The following XPOT variants were observed in gnomAD, a reference collection of about 807,000 sequenced individuals.
XPOT encodes the protein exportin-T.
XPOT carries 34 observed loss-of-function variants against 128.2 expected under a neutral mutation model. That is an observed-to-expected ratio of 0.27 (90% CI 0.20 to 0.35). The LOEUF is 0.35. Among genes scored for constraint, XPOT ranks in the 10% least tolerant of loss-of-function variants. The probability of loss-of-function intolerance (pLI) is 1.00; values close to 1 mark genes in which losing one functional copy is unlikely to be tolerated. For missense variants in XPOT, 838 were observed against 1,125.3 expected (o/e 0.74, Z 3.65); for synonymous variants, 348 against 394.3 (o/e 0.88, Z 1.39).
intron 5 of XPOT, 28 bp downstream of exon 5, chr12:64,418,143 C>T (rs1489300208): frequency 6.3e-7 from 1 of 1,576,402 alleles, no homozygotes; most frequent in Non-Finnish European, 8.7e-7. Context: ...TTCAGTACCT[C>T]AAATTATTAG....
chr12:64,420,021 C>T, intron 6 of XPOT, 49 bp from the exon 7 acceptor site: 1 of 1,495,486 alleles, frequency 6.7e-7, no homozygotes, highest in Non-Finnish European at 8.9e-7. Context: ...AGATATCAAA[C>T]ATGATTTTGT....
At chr12:64,406,545 T>C (rs1321549439) in intron 1 of XPOT, among the ~76,000 whole-genome samples, 1 of 152,046 alleles carries the variant, frequency 6.6e-6, no homozygotes, top group African/African-American at 2.4e-5. Context: ...ATTTTTGTAT[T>C]TTTAGTAGAG....
chr12:64,432,544 A>G (rs2040248775), intron 18 of XPOT, among the ~76,000 whole-genome samples: 1 of 152,124 alleles, frequency 6.6e-6, no homozygotes, highest in Admixed American at 6.6e-5. Context: ...GGCCACTTAC[A>G]TAGTACTTTC....
chr12:64,416,845 C>A, intron 4 of XPOT, 91 bp downstream of exon 4: 1 of 1,139,104 alleles, frequency 8.8e-7, no homozygotes, highest in Non-Finnish European at 1.3e-6. Context: ...AACCATAATA[C>A]AGGTTGTAAA....
At chr12:64,426,022 A>G (rs947851893) in intron 15 of XPOT, 113 bp downstream of exon 15, 1 of 973,404 alleles carries the variant, frequency 1.0e-6, no homozygotes, top group Non-Finnish European at 1.6e-6. Context: ...GGTGGATTAG[A>G]TAAAGAAAAT....
At position 64,450,063 on chromosome 12, in the gene XPOT, T is replaced by C. The variant is rs1376866365; in HGVS notation, c.*1932T>C. On this transcript the variant is annotated 3_prime_UTR_variant, in exon 25 of 25. Transcript: ENST00000332707. Reference sequence around the variant, plus strand: ...AATGAGTTAAACTTGAAAAGACTTATTACAGTAGCTGGCACATAAAGACTT... The same window carrying C: ...AATGAGTTAAACTTGAAAAGACTTACTACAGTAGCTGGCACATAAAGACTT... The C allele has an allele frequency of 3.3e-5, 5 of 152,242 alleles. No homozygotes were observed. The highest frequency in any genetic ancestry group is 7.2e-5 in the African/African-American group (3 of 41,468). The allele number at this position is 152,242 out of a possible 1,614,324, so 9.4% of individuals were successfully genotyped here. A position where few individuals can be genotyped will look rare whatever the true frequency, so the allele number is the denominator to read the frequency against.
intron 3 of XPOT, 48 bp from the exon 4 acceptor site, chr12:64,416,650 T>C: frequency 6.7e-7 from 1 of 1,500,670 alleles, no homozygotes; most frequent in Middle Eastern, 1.7e-4. Context: ...TGATTTGTTT[T>C]CCTCAGTTCA....
At chr12:64,404,971 G>A (rs1379679932) in intron 1 of XPOT, 167 bp downstream of exon 1, 1 of 152,346 alleles carries the variant, frequency 6.6e-6, no homozygotes, top group East Asian at 1.9e-4. Flanking sequence ...GACCGGGTGG[G>A]GGTGGGTACG....
intron 2 of XPOT, among the ~76,000 whole-genome samples, chr12:64,410,380 A>T (rs2040026286): frequency 6.6e-6 from 1 of 152,230 alleles, no homozygotes. Flanking sequence ...AATGCAAAGG[A>T]TTCGTTTAAG....
At chr12:64,406,917 C>T (rs1341722483) in intron 1 of XPOT, among the ~76,000 whole-genome samples, 1 of 152,078 alleles carries the variant, frequency 6.6e-6, no homozygotes, top group African/African-American at 2.4e-5. Context: ...TCCACATGTT[C>T]CTACCTCTGA....
chr12:64,426,989 A>G (rs1011286490), intron 15 of XPOT, among the ~76,000 whole-genome samples: 4 of 152,146 alleles, frequency 2.6e-5, no homozygotes, highest in African/African-American at 7.2e-5. Flanking sequence ...GTCTCAAAAA[A>G]ATAAAATGAA....
intron 12 of XPOT, 54 bp downstream of exon 12, chr12:64,424,777 T>C: frequency 6.3e-7 from 1 of 1,597,138 alleles, no homozygotes; most frequent in Non-Finnish European, 8.5e-7. Flanking sequence ...TGCTCTTTGA[T>C]ATGGGTCAAA....
chr12:64,450,349 A>G lies in XPOT; in HGVS notation c.*2218A>G, dbSNP rs12313449. On this transcript the variant is annotated 3_prime_UTR_variant, in exon 25 of 25. Coordinates refer to ENST00000332707, the MANE Select transcript of XPOT (RefSeq NM_007235.6). ...TTTTTGGTAGAGACAGGGTCTCACT[A>G]TGTTACCCAGTCTGGTCTCAAACTC... is the stretch of plus-strand genomic sequence containing the variant. 0.31 allele frequency: 46,944 copies of G among 151,698 alleles called. 7,683 individuals carry two copies. The highest frequency in any genetic ancestry group is 0.56 in the East Asian group (2,887 of 5,124). The allele number at this position is 151,698 out of a possible 1,614,324, so 9.4% of individuals were successfully genotyped here. A position where few individuals can be genotyped will look rare whatever the true frequency, so the allele number is the denominator to read the frequency against.
chr12:64,433,866 A>G (rs1332953398), intron 19 of XPOT, among the ~76,000 whole-genome samples: 1 of 152,194 alleles, frequency 6.6e-6, no homozygotes, highest in African/African-American at 2.4e-5. Context: ...TACTTACCAG[A>G]ATTGACCTGA....
intron 22 of XPOT, among the ~76,000 whole-genome samples, chr12:64,435,917 T>C (rs1475912534): frequency 6.6e-6 from 1 of 152,176 alleles, no homozygotes. Flanking sequence ...TTCATGATCT[T>C]GTAGGCTTCT....
chr12:64,425,119 T>A lies in XPOT; in HGVS notation c.1389T>A (p.Ser463=). The A allele has an allele frequency of 6.2e-7, 1 of 1,614,012 alleles. No homozygotes were observed. Residue 463 remains serine (S), a synonymous_variant, in exon 13 of 25, where the codon TCT becomes TCA. Transcript: ENST00000332707. ...TGTTGGCAGAAGCTCTTCCAGTATC[T>A]CATGGTGCTCACTTCTCAGGTGATG... ...LYMLAEALPV[S]HGAHFSGDVS...
At chr12:64,408,664 ATTT>A (rs11440677) in intron 1 of XPOT, among the ~76,000 whole-genome samples, 2 of 151,124 alleles carry the variant, frequency 1.3e-5, no homozygotes, top group Non-Finnish European at 2.9e-5. Context: ...TCATTTGTGG[ATTT>A]TTTTTTGTGT....
chr12:64,418,130 T>G lies in XPOT; in HGVS notation c.270+15T>G. The G allele has an allele frequency of 6.2e-7, 1 of 1,604,334 alleles. No individual in the cohort carries two copies. Among genetic ancestry groups the G allele is most frequent in the Non-Finnish European group, 8.5e-7 (1 of 1,173,220 alleles). ...TGCAAGCTCAGGTAAAATCATAATTTCATTCAGTACCTCAAATTATTAGAT... is the reference window on the plus strand; with the variant it reads ...TGCAAGCTCAGGTAAAATCATAATTGCATTCAGTACCTCAAATTATTAGAT... On this transcript the variant is annotated intron_variant, in intron 5 of 24. Transcript: ENST00000332707.
chr12:64,445,053 C>T (rs748971778), intron 23 of XPOT, 22 bp from the exon 24 acceptor site: 2 of 1,587,114 alleles, frequency 1.3e-6, no homozygotes, highest in East Asian at 2.2e-5. Context: ...TTCTTTTTCT[C>T]CCTCTTTTCC....
Sources: gnomAD v4.1 joint callset for allele counts (sites outside exome capture counted in the v4.1 genomes callset) on GRCh38, gnomAD v4.1.1 for gene constraint, MANE v1.5 for transcripts, NCBI Gene and HGNC (gene_info 2026-07-23, HGNC 2026-07-21) for gene names.